PRMT9: variants seen among roughly 807,000 people sequenced by gnomAD.
PRMT9 encodes protein arginine methyltransferase 9, also known as protein arginine N-methyltransferase 9.
A neutral mutation model predicts 83.2 loss-of-function variants in PRMT9; 59 were observed. The ratio of observed to expected loss-of-function variants is 0.71; its 90% CI spans 0.57 to 0.88. The LOEUF (loss-of-function observed/expected upper bound fraction) is 0.88, where lower values mean the gene tolerates loss of function less well. Among genes scored for constraint, PRMT9 ranks in the 40% least tolerant of loss-of-function variants. The pLI is 0.00. For synonymous variants in PRMT9, 333 were observed against 353.2 expected, an observed-to-expected ratio of 0.94 and a Z score of 0.64; for missense variants, 947 against 1,021.9, an observed-to-expected ratio of 0.93 and a Z score of 1.00.
Position 147,638,976 on chromosome 4 carries a change from G to C in PRMT9, c.2306C>G (p.Ser769Cys). 1.2e-6 allele frequency: 2 copies of C among 1,612,104 alleles called. No individual in the cohort carries two copies. Among genetic ancestry groups the C allele is most frequent in the Non-Finnish European group, 1.7e-6 (2 of 1,178,330 alleles). ...TGTCCTTACCTTTACTTCTCTGTTAGAGGTGTTCAAATACGGAGTCATTAA... is the reference window on the plus strand; with the variant it reads ...TGTCCTTACCTTTACTTCTCTGTTACAGGTGTTCAAATACGGAGTCATTAA... The part of the protein sequence containing the change: ...LDLMTPYLNT[S>C]NREVKVYVCK... The change falls in exon 11 of 12, where the codon TCT becomes TGT. Residue 769 changes from serine (S) to cysteine (C), a missense_variant. By Grantham distance (112) the Ser-to-Cys change is moderately radical. Transcript: ENST00000322396.
chr4:147,647,650 G>A (rs1733816395), intron 9 of PRMT9, among the ~76,000 whole-genome samples: 1 of 151,972 alleles, frequency 6.6e-6, no homozygotes, highest in Non-Finnish European at 1.5e-5. Flanking sequence ...AGCCTCCTGA[G>A]CAGCTGGGAT....
intron 9 of PRMT9, among the ~76,000 whole-genome samples, chr4:147,645,206 C>A (rs1733653102): frequency 6.6e-6 from 1 of 152,132 alleles, no homozygotes; most frequent in Admixed American, 6.6e-5. Flanking sequence ...ATAAAACACC[C>A]CATTCCTCAA....
At chr4:147,659,959 C>T (rs1159718511) in intron 7 of PRMT9, among the ~76,000 whole-genome samples, 1 of 152,126 alleles carries the variant, frequency 6.6e-6, no homozygotes, top group Admixed American at 6.5e-5. Context: ...CTTGCTTTTC[C>T]TAGGAATGTC....
In PRMT9 at chr4:147,653,272, A is replaced by G. The variant is rs576668112; in HGVS notation, c.2045+580T>C. On this transcript the variant is annotated intron_variant, in intron 9 of 11. Coordinates refer to ENST00000322396, the MANE Select transcript of PRMT9 (RefSeq NM_138364.4). The stretch of plus-strand genomic sequence containing the variant: ...AAAACCAGCCTGACCAACATGGTGA[A>G]ACCCCGTCTCTACTAAAAATACAAA... Among the ~76,000 whole-genome samples, 61 of 152,144 alleles carry G rather than the reference A, an allele frequency of 4.0e-4. 1 individual carries two copies. The highest frequency in any genetic ancestry group is 1.2e-3 in the African/African-American group (51 of 41,512).
intron 2 of PRMT9, among the ~76,000 whole-genome samples, chr4:147,674,698 G>A (rs1281598763): frequency 6.6e-6 from 1 of 152,156 alleles, no homozygotes; most frequent in Non-Finnish European, 1.5e-5. Flanking sequence ...TTCATATGGA[G>A]CTCACGTAAT....
At chr4:147,661,801 A>AAG (rs1734981039) in intron 6 of PRMT9, among the ~76,000 whole-genome samples, 1 of 151,218 alleles carries the variant, frequency 6.6e-6, no homozygotes. Flanking sequence ...AAAAAAAAAA[A>AAG]AAAAAAAAAA....
At chr4:147,653,455 T>TAC (rs1344491981) in intron 9 of PRMT9, among the ~76,000 whole-genome samples, 1 of 133,226 alleles carries the variant, frequency 7.5e-6, no homozygotes, top group Non-Finnish European at 1.6e-5. Flanking sequence ...AAAAAAAAAA[T>TAC]ATATATATAT....
intron 7 of PRMT9, among the ~76,000 whole-genome samples, chr4:147,659,584 T>TGTTC (rs1734801157): frequency 7.0e-6 from 1 of 142,090 alleles, no homozygotes; most frequent in African/African-American, 2.6e-5. Flanking sequence ...CTTTTCTTTT[T>TGTTC]TTTTTTTTTC....
At chr4:147,641,814 A>AC (rs981296765) in intron 10 of PRMT9, among the ~76,000 whole-genome samples, 5 of 152,074 alleles carry the variant, frequency 3.3e-5, no homozygotes, top group Non-Finnish European at 7.4e-5. Flanking sequence ...GGCATGCACC[A>AC]CCACACCCAG....
intron 2 of PRMT9, among the ~76,000 whole-genome samples, chr4:147,680,085 G>A (rs1228024304): frequency 6.6e-6 from 1 of 152,164 alleles, no homozygotes; most frequent in Admixed American, 6.6e-5. Context: ...GTGGCACTCA[G>A]CCCAGTGAGG....
intron 8 of PRMT9, among the ~76,000 whole-genome samples, chr4:147,656,183 A>G (rs1365997161): frequency 6.6e-6 from 1 of 152,208 alleles, no homozygotes; most frequent in African/African-American, 2.4e-5. Flanking sequence ...GGCTACAACA[A>G]TATACTGATT....
chr4:147,663,382 A>G (rs1248200520), intron 6 of PRMT9, among the ~76,000 whole-genome samples: 1 of 151,812 alleles, frequency 6.6e-6, no homozygotes, highest in Non-Finnish European at 1.5e-5. Context: ...TTTGTGTGTG[A>G]GACAAGGTCT....
chr4:147,638,747 C>T lies in PRMT9; in HGVS notation c.2323G>A (p.Val775Ile), dbSNP rs76148346. Residue 775 changes from valine (V) to isoleucine (I), a missense_variant and splice_region_variant, in exon 12 of 12, where the codon GTA (valine) becomes ATA (isoleucine). Transcript: ENST00000322396. The stretch of plus-strand genomic sequence containing the variant: ...AGTCTTCCAGATTTACAAACGTATA[C>T]CTATGAAAATAAAGAAATTAGGAAA... The part of the protein sequence containing the change: ...YLNTSNREVK[V>I]YVCKSGRLTA... The T allele has an allele frequency of 5.8e-4, 924 of 1,602,720 alleles. No individual in the cohort carries two copies. Among genetic ancestry groups the T allele is most frequent in the Non-Finnish European group, 7.4e-4 (861 of 1,170,836 alleles).
At chr4:147,649,248 T>TA (rs1283960726) in intron 9 of PRMT9, among the ~76,000 whole-genome samples, 9 of 151,332 alleles carry the variant, frequency 5.9e-5, no homozygotes, top group Non-Finnish European at 8.9e-5. Context: ...CCTCATCCTG[T>TA]AAAAAAAACC....
At chr4:147,648,754 CT>C (rs1318311885) in intron 9 of PRMT9, among the ~76,000 whole-genome samples, 13 of 152,222 alleles carry the variant, frequency 8.5e-5, no homozygotes, top group Admixed American at 5.2e-4. Flanking sequence ...GTTTAGTTGT[CT>C]GTTATGTATG....
intron 8 of PRMT9, 100 bp downstream of exon 8, chr4:147,657,692 A>C: frequency 1.2e-6 from 1 of 867,798 alleles, no homozygotes; most frequent in Non-Finnish European, 1.9e-6. Flanking sequence ...ACCTCCTTTG[A>C]CTGAAACCTT....
intron 6 of PRMT9, among the ~76,000 whole-genome samples, chr4:147,663,009 A>ATT (rs1177200944): frequency 0.01 from 1,468 of 141,120 alleles, 33 homozygotes; most frequent in African/African-American, 0.033. Flanking sequence ...ACTACTAATA[A>ATT]TTTTTTTTTT....
In PRMT9 at chr4:147,683,926, C is replaced by T. The variant is rs1302891736; in HGVS notation, c.62G>A (p.Arg21Gln). 6.2e-7 allele frequency: 1 copy of T among 1,612,886 alleles called. No individual in the cohort carries two copies. Among genetic ancestry groups the T allele is most frequent in the Non-Finnish European group, 8.5e-7 (1 of 1,179,738 alleles). Residue 21 changes from arginine to glutamine, a missense_variant, in exon 1 of 12, where the codon CGG (arginine) becomes CAG (glutamine). Transcript: ENST00000322396. The part of the protein sequence containing the change: ...DAGGGAGAAG[R>Q]DELVSRSLQS... ...CAAGGACCGCGACACCAGCTCGTCCCGGCCGGCTGCCCCAGCGCCACCCCC... is the reference window on the plus strand; with the variant it reads ...CAAGGACCGCGACACCAGCTCGTCCTGGCCGGCTGCCCCAGCGCCACCCCC...
chr4:147,669,778 C>T (rs1321750624), intron 5 of PRMT9, among the ~76,000 whole-genome samples: 2 of 152,086 alleles, frequency 1.3e-5, no homozygotes. Flanking sequence ...ATTTTTATTA[C>T]ATATTAAAAT....
Sources: gnomAD v4.1 joint callset for allele counts (sites outside exome capture counted in the v4.1 genomes callset) on GRCh38, gnomAD v4.1.1 for gene constraint, MANE v1.5 for transcripts, NCBI Gene and HGNC (gene_info 2026-07-23, HGNC 2026-07-21) for gene names.